The following HYDIN variants were observed in gnomAD, a reference collection of about 807,000 sequenced individuals.
HYDIN encodes the protein HYDIN axonemal central pair apparatus protein, also known as axonemal central pair apparatus protein HYDIN.
A neutral mutation model predicts 403.9 loss-of-function variants in HYDIN; 132 were observed. The observed-to-expected ratio is 0.33, with a 90% confidence interval of 0.28 to 0.38. The LOEUF (loss-of-function observed/expected upper bound fraction) is 0.38. HYDIN is among the 10% of genes least tolerant of loss of function. The probability of loss-of-function intolerance (pLI) is 1.00; values close to 1 mark genes in which losing one functional copy is unlikely to be tolerated. For synonymous variants in HYDIN, 1,202 were observed against 1,891.7 expected, an observed-to-expected ratio of 0.64 and a Z score of 9.46; for missense variants, 2,827 against 5,009.5, an observed-to-expected ratio of 0.56 and a Z score of 13.15.
At chr16:71,145,512 C>T (rs1270543132) in intron 7 of HYDIN, among the ~76,000 whole-genome samples, 9 of 152,018 alleles carry the variant, frequency 5.9e-5, no homozygotes, top group Admixed American at 2.6e-4. Context: ...CTTGGCCTCC[C>T]GATTACAGGC....
chr16:71,110,211 T>C (rs1176727980), intron 10 of HYDIN, among the ~76,000 whole-genome samples: 1 of 147,672 alleles, frequency 6.8e-6, no homozygotes. Flanking sequence ...GCATAAGATA[T>C]ACAGGATGAG....
chr16:71,097,770 A>G (rs187603834), intron 10 of HYDIN, among the ~76,000 whole-genome samples: 1,741 of 149,790 alleles, frequency 0.012, 23 homozygotes, highest in Non-Finnish European at 0.016. Context: ...GAAAGAGGAT[A>G]TATTTGCTCT....
In HYDIN at chr16:70,988,655, CATACG is replaced by C; in HGVS notation, c.3865-148_3865-144del. 6 of 337,786 alleles carry C rather than the reference CATACG, an allele frequency of 1.8e-5. 2 individuals are homozygous for C. The South Asian group carries it at 2.1e-4, about 12-fold the overall frequency. 20.9% of individuals were successfully genotyped at this position (337,786 alleles called of 1,614,324 possible). Reference sequence around the variant, plus strand: ...TAATTGAGCAAGTGACTATAATGTACATACGAGGATGTTTACTGCAGCATTATTTA... The same window carrying C: ...TAATTGAGCAAGTGACTATAATGTACAGGATGTTTACTGCAGCATTATTTA... On this transcript the variant is annotated intron_variant, in intron 25 of 85. Coordinates refer to ENST00000393567, the MANE Select transcript of HYDIN (RefSeq NM_001270974.2).
At chr16:71,230,516 A>C (rs952218095) in intron 1 of HYDIN, 46 bp downstream of exon 1, 43 of 1,498,236 alleles carry the variant, frequency 2.9e-5, no homozygotes, top group Non-Finnish European at 3.4e-5. Context: ...GTTAGCCCCC[A>C]TGTCCCTCAC....
At position 71,115,184 on chromosome 16, in the gene HYDIN, C is replaced by T. The variant is rs532144956; in HGVS notation, c.1327+512G>A. Among the ~76,000 whole-genome samples the T allele has an allele frequency of 1.2e-3, 184 of 151,690 alleles. 1 individual carries two copies. The highest frequency in any genetic ancestry group is 4.4e-3 in the African/African-American group (182 of 41,342). On this transcript the variant is annotated intron_variant, in intron 10 of 85. Transcript: ENST00000393567. ...TGTGGAGGTAACTGAATCATGGGGG[C>T]AGTTTCCCCCTTGTTGTTTTTGTGA...
intron 73 of HYDIN, among the ~76,000 whole-genome samples, chr16:70,854,257 G>A (rs551652130): frequency 3.5e-4 from 52 of 149,602 alleles, no homozygotes; most frequent in African/African-American, 1.3e-3. Context: ...TAGTTTTTGA[G>A]AGAGTCTCAC....
At chr16:71,170,058 C>A (rs1448403591) in intron 5 of HYDIN, among the ~76,000 whole-genome samples, 1 of 152,168 alleles carries the variant, frequency 6.6e-6, no homozygotes, top group Non-Finnish European at 1.5e-5. Context: ...CGTGGCCCTG[C>A]TTCAGCCTAT....
At chr16:70,922,491 C>G (rs926468409) in intron 45 of HYDIN, among the ~76,000 whole-genome samples, 1 of 152,140 alleles carries the variant, frequency 6.6e-6, no homozygotes, top group African/African-American at 2.4e-5. Context: ...TTACAGAAAC[C>G]AGTCACCGAT....
chr16:70,965,222 A>T (rs2143963742), intron 36 of HYDIN, among the ~76,000 whole-genome samples: 1 of 152,348 alleles, frequency 6.6e-6, no homozygotes, highest in East Asian at 1.9e-4. Context: ...GAACTCCATT[A>T]TCTACCTTGA....
intron 78 of HYDIN, among the ~76,000 whole-genome samples, chr16:70,835,146 G>T (rs554996187): frequency 9.9e-4 from 150 of 151,060 alleles, no homozygotes; most frequent in Middle Eastern, 3.4e-3. Flanking sequence ...ACAGGCACCC[G>T]CCACCATGCC....
chr16:70,905,632 TAAAAA>T (rs10718035), intron 50 of HYDIN, among the ~76,000 whole-genome samples: 9 of 99,528 alleles, frequency 9.0e-5, no homozygotes, highest in Admixed American at 2.1e-4. Context: ...GACCCTATCT[TAAAAA>T]AAAAAAAAAA....
At chr16:70,982,293 T>TA (rs1172225060) in intron 28 of HYDIN, among the ~76,000 whole-genome samples, 1 of 151,238 alleles carries the variant, frequency 6.6e-6, no homozygotes, top group African/African-American at 2.4e-5. Flanking sequence ...TCAAAAACCT[T>TA]AGAGTGATCT....
chr16:70,948,288 C>T (rs1307702170), intron 41 of HYDIN, among the ~76,000 whole-genome samples: 1 of 151,676 alleles, frequency 6.6e-6, no homozygotes, highest in Non-Finnish European at 1.5e-5. Context: ...CTTCCTTACA[C>T]CTTATACAAA....
intron 36 of HYDIN, 36 bp from the exon 37 acceptor site, chr16:70,964,932 A>T (rs1272784562): frequency 5.0e-6 from 8 of 1,604,280 alleles, no homozygotes; most frequent in Non-Finnish European, 6.8e-6. Flanking sequence ...TGTTGGTCTC[A>T]CTAGAAATCT....
At position 71,195,103 on chromosome 16, in the gene HYDIN, T is replaced by C. The variant is rs1351981088; in HGVS notation, c.-23-8185A>G. Among the ~76,000 whole-genome samples the C allele has an allele frequency of 2.0e-5, 3 of 152,152 alleles. No individual in the cohort carries two copies. The East Asian group carries it at 5.8e-4, about 29-fold the overall frequency. Reference sequence around the variant, plus strand: ...GAATGTAAATACCAGAAAGTGATAATAACTTGGAGCCATCTTGGAATCCAT... The same window carrying C: ...GAATGTAAATACCAGAAAGTGATAACAACTTGGAGCCATCTTGGAATCCAT... On this transcript the variant is annotated intron_variant, in intron 1 of 85. Coordinates refer to ENST00000393567, the MANE Select transcript of HYDIN (RefSeq NM_001270974.2).
intron 57 of HYDIN, 111 bp from the exon 58 acceptor site, chr16:70,889,815 C>T (rs1215960262): frequency 3.9e-6 from 3 of 770,392 alleles, no homozygotes; most frequent in African/African-American, 3.5e-5. Context: ...GGGGAAGGGG[C>T]CCTTCTTTGC....
At chr16:71,220,134 G>A (rs3094454) in intron 1 of HYDIN, among the ~76,000 whole-genome samples, 147,088 of 152,222 alleles carry the variant, frequency 0.97, 71,137 homozygotes, top group African/African-American at 0.99. Context: ...TCAAAAATCT[G>A]TTACACAGAT....
chr16:71,196,188 T>C (rs1056317032), intron 1 of HYDIN, among the ~76,000 whole-genome samples: 1 of 152,232 alleles, frequency 6.6e-6, no homozygotes, highest in African/African-American at 2.4e-5. Flanking sequence ...GGCAATTTTA[T>C]GTGTCAACTT....
intron 39 of HYDIN, among the ~76,000 whole-genome samples, chr16:70,957,168 T>C (rs572889472): frequency 1.3e-5 from 2 of 151,516 alleles, no homozygotes; most frequent in East Asian, 3.9e-4. Flanking sequence ...TTGGAAACCA[T>C]CATTCTGTTT....
Sources: allele counts gnomAD v4.1 joint callset (sites outside exome capture counted in the v4.1 genomes callset), GRCh38; gene constraint gnomAD v4.1.1; transcripts MANE v1.5; gene names NCBI Gene and HGNC (gene_info 2026-07-23, HGNC 2026-07-21).